Variants in CELSR1 observed in about 807,000 individuals in gnomAD.
The protein encoded by CELSR1 is adhesion G protein-coupled receptor C1.
A neutral mutation model predicts 249.1 loss-of-function variants in CELSR1; 110 were observed. That is an observed-to-expected ratio of 0.44 (90% CI 0.38 to 0.52). The LOEUF is 0.52. CELSR1 is among the 20% of genes least tolerant of loss of function. CELSR1 has a pLI of 0.00. For synonymous variants in CELSR1, 2,113 were observed against 1,900.0 expected, an observed-to-expected ratio of 1.11 and a Z score of -2.92; for missense variants, 4,109 against 4,296.4, an observed-to-expected ratio of 0.96 and a Z score of 1.22.
At chr22:46,513,771 G>T (rs144992195) in intron 1 of CELSR1, among the ~76,000 whole-genome samples, 1 of 152,122 alleles carries the variant, frequency 6.6e-6, no homozygotes, top group Non-Finnish European at 1.5e-5. Flanking sequence ...CAAAGCCATA[G>T]ATAAGTTTAT....
At chr22:46,511,068 C>G (rs541615973) in intron 1 of CELSR1, among the ~76,000 whole-genome samples, 1 of 151,878 alleles carries the variant, frequency 6.6e-6, no homozygotes, top group Admixed American at 6.6e-5. Flanking sequence ...GAGCTGAGAT[C>G]GTGTCATCGC....
rs2147833560 is a variant in CELSR1, at chr22:46,537,029, A to T, written c.142T>A (p.Cys48Ser). 1 of 1,104,746 alleles carries T rather than the reference A, an allele frequency of 9.1e-7. No individual in the cohort carries two copies. Among genetic ancestry groups the T allele is most frequent in the East Asian group, 6.3e-5 (1 of 15,992 alleles). The allele number at this position is 1,104,746 out of a possible 1,614,324, so 68.4% of individuals were successfully genotyped here. A position where few individuals can be genotyped will look rare whatever the true frequency, so the allele number is the denominator to read the frequency against. ...GTRAFALRPGCTYAVGAACTP... is the reference protein window; with the variant it reads ...GTRAFALRPGSTYAVGAACTP... ...CAAGCGGCGCCCACCGCGTAGGTAC[A>T]GCCGGGCCGGAGGGCGAAGGCGCGG... Residue 48 changes from cysteine (C) to serine (S), a missense_variant, in exon 1 of 35, where the codon TGT becomes AGT. Physicochemically the swap from Cys to Ser is moderately radical, Grantham distance 112. This residue lies in a region of CELSR1 where 673 missense variants were observed against 636.8 expected (regional missense o/e 1.06). Transcript: ENST00000674500. This position sits in a 1 kb window ranked among gnomAD's most constrained non-coding sequence, Gnocchi z 5.8.
rs138303327 is a variant in CELSR1, at chr22:46,367,073, G to A, written c.8125C>T (p.Arg2709Trp). 4.4e-5 allele frequency: 71 copies of A among 1,611,394 alleles called. No individual in the cohort carries two copies. The highest frequency in any genetic ancestry group is 1.7e-4 in the African/African-American group (13 of 74,904). ...LFHCVLNQEV[R>W]KHLKGVLGGR... Reference sequence around the variant, plus strand: ...CCGAGCACGCCCTTCAGGTGCTTCCGGACCTCCTGGTTGAGCACGCAGTGG... The same window carrying A: ...CCGAGCACGCCCTTCAGGTGCTTCCAGACCTCCTGGTTGAGCACGCAGTGG... The change falls in exon 29 of 35, where the codon CGG (arginine) becomes TGG (tryptophan). Residue 2709 changes from arginine to tryptophan, a missense_variant. Physicochemically the swap from Arg to Trp is moderately radical, Grantham distance 101 (BLOSUM62 -3). Transcript: ENST00000674500.
chr22:46,500,362 C>G lies in CELSR1; in HGVS notation c.3544+33265G>C, dbSNP rs2080454643. Reference sequence around the variant, plus strand: ...TATATGGAGCCGCTGACAGCCCCCTCCCCCATGGCGCAGAGATCACATTTA... The same window carrying G: ...TATATGGAGCCGCTGACAGCCCCCTGCCCCATGGCGCAGAGATCACATTTA... On this transcript the variant is annotated intron_variant, in intron 1 of 34. Coordinates refer to ENST00000674500, the MANE Select transcript of CELSR1 (RefSeq NM_001378328.1). The surrounding 1 kb of genome is among the most constrained non-coding windows in gnomAD (Gnocchi z 4.9). Among the ~76,000 whole-genome samples, 2 of 152,320 alleles carry G rather than the reference C, an allele frequency of 1.3e-5. No individual in the cohort carries two copies. Among genetic ancestry groups the G allele is most frequent in the South Asian group, 4.1e-4 (2 of 4,826 alleles).
At position 46,390,475 on chromosome 22, in the gene CELSR1, G is replaced by A; in HGVS notation, c.6262C>T (p.Arg2088Ter). Residue 2088 changes from arginine to a stop codon, truncating the protein, a stop_gained, in exon 17 of 35, where the codon CGA (arginine) becomes TGA (stop). Coordinates refer to ENST00000674500, the MANE Select transcript of CELSR1 (RefSeq NM_001378328.1). LOFTEE classifies it high-confidence loss of function. The surrounding 1 kb of genome is among the most constrained non-coding windows in gnomAD (Gnocchi z 6.3). ...CAGCCCTTCTCCCCGCTGCAGTGTC[G>A]GACCGCATTTCCTGGGGAAGGAGAG... ...CPKGSVGNAV[R>*]HCSGEKGWLP... is the part of the protein sequence containing the mutation. 1.9e-6 allele frequency: 3 copies of A among 1,613,440 alleles called. No individual in the cohort carries two copies. Among genetic ancestry groups the A allele is most frequent in the South Asian group, 1.1e-5 (1 of 90,898 alleles).
At position 46,412,638 on chromosome 22, in the gene CELSR1, C is replaced by T. The variant is rs142236778; in HGVS notation, c.4612-879G>A. Among the ~76,000 whole-genome samples, 17 of 152,284 alleles carry T rather than the reference C, an allele frequency of 1.1e-4. No homozygotes were observed. The highest frequency in any genetic ancestry group is 6.8e-3 in the Middle Eastern group (2 of 292). ...ACGAGCCCACTTTCCCCAGACAGCCCTCGCAGGTCTCAGCTCCTGGTCAGT... is the reference window on the plus strand; with the variant it reads ...ACGAGCCCACTTTCCCCAGACAGCCTTCGCAGGTCTCAGCTCCTGGTCAGT... On this transcript the variant is annotated intron_variant, in intron 5 of 34. Coordinates refer to ENST00000674500, the MANE Select transcript of CELSR1 (RefSeq NM_001378328.1). This position sits in a 1 kb window ranked among gnomAD's most constrained non-coding sequence, Gnocchi z 4.5.
Position 46,363,063 on chromosome 22 carries a change from G to A in CELSR1, c.*160C>T. ...TTGTGTCTGGATGATCAGTCGGGGG[G>A]CTGCCACCATGGGGACCGCCACACT... On this transcript the variant is annotated 3_prime_UTR_variant, in exon 35 of 35. Coordinates refer to ENST00000674500, the MANE Select transcript of CELSR1 (RefSeq NM_001378328.1). The surrounding 1 kb of genome is among the most constrained non-coding windows in gnomAD (Gnocchi z 4.3). 2.0e-6 allele frequency: 3 copies of A among 1,466,270 alleles called. No individual in the cohort carries two copies. The highest frequency in any genetic ancestry group is 2.8e-6 in the Non-Finnish European group (3 of 1,054,058). 90.8% of individuals were successfully genotyped at this position (1,466,270 alleles called of 1,614,324 possible).
intron 20 of CELSR1, among the ~76,000 whole-genome samples, chr22:46,383,485 G>T (rs945478625): frequency 6.6e-6 from 1 of 151,892 alleles, no homozygotes; most frequent in Admixed American, 6.6e-5. Flanking sequence ...GTTTTTTTGC[G>T]GGAAGGGGAA....
rs1242020245 is a variant in CELSR1 at position 46,518,924 on chromosome 22, T to G, written c.3544+14703A>C. Reference sequence around the variant, plus strand: ...GGCGCATGCCTGTAATCCCAGCTACTCGGGAGGCAGAGGCAGGAGAATCGC... The same window carrying G: ...GGCGCATGCCTGTAATCCCAGCTACGCGGGAGGCAGAGGCAGGAGAATCGC... On this transcript the variant is annotated intron_variant, in intron 1 of 34. Transcript: ENST00000674500. The surrounding 1 kb of genome is among the most constrained non-coding windows in gnomAD (Gnocchi z 5.2). Among the ~76,000 whole-genome samples, 1 of 151,766 alleles carries G rather than the reference T, an allele frequency of 6.6e-6. No individual in the cohort carries two copies. Among genetic ancestry groups the G allele is most frequent in the Non-Finnish European group, 1.5e-5 (1 of 67,960 alleles).
Position 46,527,133 on chromosome 22 carries a change from C to G in CELSR1, c.3544+6494G>C, listed in dbSNP as rs549025841. The stretch of plus-strand genomic sequence containing the variant: ...CTCTAGGATGGAGGTGGCGACGGTA[C>G]TTTCCATACCACAGTGTGGCGGCTG... On this transcript the variant is annotated intron_variant, in intron 1 of 34. Coordinates refer to ENST00000674500, the MANE Select transcript of CELSR1 (RefSeq NM_001378328.1). This position sits in a 1 kb window ranked among gnomAD's most constrained non-coding sequence, Gnocchi z 5.5. Among the ~76,000 whole-genome samples, 7 of 152,324 alleles carry G rather than the reference C, an allele frequency of 4.6e-5. No homozygotes were observed. In the South Asian group the frequency reaches 1.4e-3, roughly 32 times the overall value.
intron 1 of CELSR1, among the ~76,000 whole-genome samples, chr22:46,519,256 G>A (rs2080660445): frequency 1.3e-5 from 2 of 152,170 alleles, no homozygotes; most frequent in South Asian, 4.1e-4. Flanking sequence ...ACCACAAAAT[G>A]GCTCACATTA....
At position 46,454,443 on chromosome 22, in the gene CELSR1, A is replaced by G. The variant is rs914618472; in HGVS notation, c.4183+9264T>C. ...CCCTCCAGTGCACGCACAGACGCCCATGACCCGCAGCCAGCCCGGCCAGGC... is the reference window on the plus strand; with the variant it reads ...CCCTCCAGTGCACGCACAGACGCCCGTGACCCGCAGCCAGCCCGGCCAGGC... On this transcript the variant is annotated intron_variant, in intron 2 of 34. Transcript: ENST00000674500. The surrounding 1 kb of genome is among the most constrained non-coding windows in gnomAD (Gnocchi z 5.1). Among the ~76,000 whole-genome samples, 4 of 152,204 alleles carry G rather than the reference A, an allele frequency of 2.6e-5. No homozygotes were observed. Among genetic ancestry groups the G allele is most frequent in the Non-Finnish European group, 5.9e-5 (4 of 68,028 alleles).
In CELSR1 at chr22:46,408,866, A is replaced by C. The variant is rs2079296884; in HGVS notation, c.5226+130T>G. On this transcript the variant is annotated intron_variant, in intron 9 of 34. Coordinates refer to ENST00000674500, the MANE Select transcript of CELSR1 (RefSeq NM_001378328.1). The surrounding 1 kb of genome is among the most constrained non-coding windows in gnomAD (Gnocchi z 4.6). ...TATTCCCCTTCCCCCTCTTCGGAGA[A>C]CCCCAGGGGCGGGCGCCGGAGGAAG... is the stretch of plus-strand genomic sequence containing the variant. The C allele has an allele frequency of 1.4e-6, 1 of 690,186 alleles. No individual in the cohort carries two copies. 42.8% of individuals were successfully genotyped at this position (690,186 alleles called of 1,614,324 possible).
intron 18 of CELSR1, among the ~76,000 whole-genome samples, chr22:46,388,953 C>T (rs73177078): frequency 0.01 from 1,538 of 152,212 alleles, 14 homozygotes; most frequent in Non-Finnish European, 0.017. Flanking sequence ...AATGGGTGGA[C>T]GATACTCCAT....
Position 46,417,950 on chromosome 22 carries a change from G to GTCCA in CELSR1, c.4612-6195_4612-6192dup, listed in dbSNP as rs912687188. Among the ~76,000 whole-genome samples the GTCCA allele has an allele frequency of 6.6e-6, 1 of 152,206 alleles. No homozygotes were observed. Among genetic ancestry groups the GTCCA allele is most frequent in the African/African-American group, 2.4e-5 (1 of 41,450 alleles). On this transcript the variant is annotated intron_variant, in intron 5 of 34. Transcript: ENST00000674500. This position sits in a 1 kb window ranked among gnomAD's most constrained non-coding sequence, Gnocchi z 4.1. Reference sequence around the variant, plus strand: ...GGACATCACCTCCTTAAAGCCAAGGGTCCATATCCTGCCCCTACTTGGGAA... The same window carrying GTCCA: ...GGACATCACCTCCTTAAAGCCAAGGGTCCATCCATATCCTGCCCCTACTTGGGAA...
At chr22:46,426,600 AT>A (rs1450620249) in intron 5 of CELSR1, among the ~76,000 whole-genome samples, 2 of 152,074 alleles carry the variant, frequency 1.3e-5, no homozygotes, top group Non-Finnish European at 2.9e-5. Flanking sequence ...GGGGGTGAGG[AT>A]TTCAATATAG....
intron 1 of CELSR1, among the ~76,000 whole-genome samples, chr22:46,475,666 G>T (rs1461995837): frequency 6.8e-6 from 1 of 147,470 alleles, no homozygotes; most frequent in Non-Finnish European, 1.5e-5. Context: ...GAATGGGGGG[G>T]GAAGAAACAA....
chr22:46,413,805 T>C lies in CELSR1; in HGVS notation c.4612-2046A>G, dbSNP rs1342857650. Reference sequence around the variant, plus strand: ...TTTGGAAAACGCGTGGAAGTGCCCATTATGGGACGCTTAAATGTGAGATGC... The same window carrying C: ...TTTGGAAAACGCGTGGAAGTGCCCACTATGGGACGCTTAAATGTGAGATGC... On this transcript the variant is annotated intron_variant, in intron 5 of 34. Transcript: ENST00000674500. This position sits in a 1 kb window ranked among gnomAD's most constrained non-coding sequence, Gnocchi z 4.7. 6.6e-6 allele frequency among the ~76,000 whole-genome samples: 1 copy of C among 152,172 alleles called. No homozygotes were observed. The highest frequency in any genetic ancestry group is 2.4e-5 in the African/African-American group (1 of 41,448).
At chr22:46,388,406 C>T (rs1569125702) in intron 18 of CELSR1, among the ~76,000 whole-genome samples, 1 of 152,044 alleles carries the variant, frequency 6.6e-6, no homozygotes, top group African/African-American at 2.4e-5. Flanking sequence ...TGTGGAGTCA[C>T]GCATGGAGAA....
Sources: gnomAD v4.1 joint callset for allele counts (sites outside exome capture counted in the v4.1 genomes callset) on GRCh38, gnomAD v4.1.1 for gene constraint, gnomAD v4.1.1 regional missense constraint, Gnocchi (gnomAD v3.1) non-coding constraint, MANE v1.5 for transcripts, NCBI Gene and HGNC (gene_info 2026-07-23, HGNC 2026-07-21) for gene names.